Variants in ADAM23 observed in about 807,000 individuals in gnomAD.
ADAM23 encodes the protein ADAM metallopeptidase domain 23.
In ADAM23, 33 loss-of-function variants were observed where a neutral mutation model predicts 120.1. The observed-to-expected ratio is 0.27, with a 90% CI of 0.21 to 0.37. The LOEUF is 0.37. Among genes scored for constraint, ADAM23 ranks in the 10% least tolerant of loss-of-function variants. The pLI is 1.00. For missense variants in ADAM23, 862 were observed against 1,058.2 expected, an observed-to-expected ratio of 0.81 and a Z score of 2.57; for synonymous variants, 367 against 375.2, an observed-to-expected ratio of 0.98 and a Z score of 0.25.
At chr2:206,565,393 A>G (rs1697857392) in intron 14 of ADAM23, among the ~76,000 whole-genome samples, 1 of 152,248 alleles carries the variant, frequency 6.6e-6, no homozygotes, top group Non-Finnish European at 1.5e-5. Flanking sequence ...TACCTGAAGC[A>G]GTCAGTGAAA....
chr2:206,596,296 T>A (rs1698524211), intron 24 of ADAM23, 134 bp downstream of exon 24: 1 of 614,118 alleles, frequency 1.6e-6, no homozygotes. Flanking sequence ...AGTATATAAT[T>A]TATGTTACTG....
chr2:206,455,458 G>T (rs1407977456), intron 2 of ADAM23, among the ~76,000 whole-genome samples: 1 of 152,152 alleles, frequency 6.6e-6, no homozygotes, highest in Non-Finnish European at 1.5e-5. Flanking sequence ...TGCCTTGGAG[G>T]CATTTTCATT....
At position 206,550,077 on chromosome 2, in the gene ADAM23, T is replaced by C; in HGVS notation, c.868-18T>C. The C allele has an allele frequency of 2.0e-6, 3 of 1,490,528 alleles. No homozygotes were observed. Among genetic ancestry groups the C allele is most frequent in the Non-Finnish European group, 1.9e-6 (2 of 1,074,540 alleles). 92.3% of individuals were successfully genotyped at this position (1,490,528 alleles called of 1,614,324 possible). On this transcript the variant is annotated intron_variant, in intron 8 of 25. Transcript: ENST00000264377. The stretch of plus-strand genomic sequence containing the variant: ...TATGTCAATCACTATTCTGACCATA[T>C]ATTTTTATTTTCCGTAGCCATCACG...
chr2:206,526,161 C>G (rs929055632), intron 3 of ADAM23, among the ~76,000 whole-genome samples: 7 of 151,028 alleles, frequency 4.6e-5, no homozygotes, highest in African/African-American at 1.5e-4. Flanking sequence ...CACACACACA[C>G]ACACACACAC....
At chr2:206,612,031 A>G (rs569432100) in intron 25 of ADAM23, among the ~76,000 whole-genome samples, 12 of 152,336 alleles carry the variant, frequency 7.9e-5, no homozygotes, top group Non-Finnish European at 1.6e-4. Context: ...CTGTGTAGAA[A>G]GACACACAAT....
intron 24 of ADAM23, among the ~76,000 whole-genome samples, chr2:206,601,530 T>A (rs1192214434): frequency 6.6e-6 from 1 of 152,112 alleles, no homozygotes; most frequent in South Asian, 2.1e-4. Context: ...CCCAACACTT[T>A]AGGAAGCTGA....
chr2:206,454,224 A>G (rs1253767128), intron 2 of ADAM23, among the ~76,000 whole-genome samples: 1 of 152,154 alleles, frequency 6.6e-6, no homozygotes, highest in African/African-American at 2.4e-5. Flanking sequence ...GTCTCAGGAA[A>G]CTTAAAGTCT....
At chr2:206,538,675 A>G (rs1697230708) in intron 4 of ADAM23, among the ~76,000 whole-genome samples, 1 of 152,214 alleles carries the variant, frequency 6.6e-6, no homozygotes, top group Non-Finnish European at 1.5e-5. Context: ...TTAGACACAA[A>G]GTTGGGGTGC....
At chr2:206,520,715 T>C (rs146749213) in intron 3 of ADAM23, among the ~76,000 whole-genome samples, 1 of 152,202 alleles carries the variant, frequency 6.6e-6, no homozygotes, top group East Asian at 1.9e-4. Flanking sequence ...AAAAGAATCT[T>C]ATCTGTGTTC....
Position 206,508,870 on chromosome 2 carries a change from G to A in ADAM23, c.510-22015G>A, listed in dbSNP as rs551171633. 4.6e-5 allele frequency among the ~76,000 whole-genome samples: 7 copies of A among 152,112 alleles called. No individual in the cohort carries two copies. In the East Asian group the frequency reaches 7.7e-4, roughly 17 times the overall value. On this transcript the variant is annotated intron_variant, in intron 3 of 25. Coordinates refer to ENST00000264377, the MANE Select transcript of ADAM23 (RefSeq NM_003812.4). ...CAACAACATAAGACTTGTAACAAAC[G>A]CACCTTATAACTCTATGAATAATTT...
At chr2:206,550,313 C>CT (rs1291927001) in intron 9 of ADAM23, among the ~76,000 whole-genome samples, 153 bp downstream of exon 9, 2 of 152,060 alleles carry the variant, frequency 1.3e-5, no homozygotes, top group African/African-American at 4.8e-5. Flanking sequence ...TTTGGAGACT[C>CT]TGAGTTTTAT....
chr2:206,554,449 G>A (rs1335078244), intron 9 of ADAM23, among the ~76,000 whole-genome samples: 3 of 152,118 alleles, frequency 2.0e-5, no homozygotes, highest in East Asian at 1.9e-4. Flanking sequence ...TTTTGCGTAC[G>A]TGTTTTGCTA....
At chr2:206,452,029 T>C (rs564758958) in intron 2 of ADAM23, among the ~76,000 whole-genome samples, 5 of 152,164 alleles carry the variant, frequency 3.3e-5, no homozygotes, top group African/African-American at 1.2e-4. Flanking sequence ...TAGAGAGTGG[T>C]GGGTGTGATG....
At position 206,589,394 on chromosome 2, in the gene ADAM23, G is replaced by GC; in HGVS notation, c.1853-13dup. 6.2e-7 allele frequency: 1 copy of GC among 1,608,112 alleles called. No individual in the cohort carries two copies. The highest frequency in any genetic ancestry group is 1.1e-5 in the South Asian group (1 of 90,118). The stretch of plus-strand genomic sequence containing the variant: ...AAATGAAAATTAATTTTCTTCTCTT[G>GC]CCTATCTCCAAAAGAGGCTGCAGGG... On this transcript the variant is annotated splice_polypyrimidine_tract_variant and intron_variant, in intron 20 of 25. Coordinates refer to ENST00000264377, the MANE Select transcript of ADAM23 (RefSeq NM_003812.4).
At chr2:206,489,883 A>T (rs549190824) in intron 3 of ADAM23, among the ~76,000 whole-genome samples, 19 of 152,312 alleles carry the variant, frequency 1.2e-4, no homozygotes, top group African/African-American at 4.6e-4. Flanking sequence ...ATTTGTAACT[A>T]TATGAGGAAA....
intron 9 of ADAM23, among the ~76,000 whole-genome samples, chr2:206,550,949 C>A (rs1697513027): frequency 6.6e-6 from 1 of 152,234 alleles, no homozygotes; most frequent in Non-Finnish European, 1.5e-5. Context: ...GTGTTAACTT[C>A]TGTGGCAGTA....
Position 206,549,994 on chromosome 2 carries a change from A to G in ADAM23, c.868-101A>G, listed in dbSNP as rs1697479693. 3.7e-5 allele frequency: 23 copies of G among 620,748 alleles called. No homozygotes were observed. The South Asian group carries it at 7.0e-4, about 19-fold the overall frequency. 38.5% of individuals were successfully genotyped at this position (620,748 alleles called of 1,614,324 possible). ...GGTGTTTATAAAGTAGGCAGCAGAG[A>G]GTTGTTCTGAAATTCAAAGTCTTAT... On this transcript the variant is annotated intron_variant, in intron 8 of 25. Transcript: ENST00000264377.
intron 4 of ADAM23, among the ~76,000 whole-genome samples, chr2:206,535,686 A>G (rs1257369050): frequency 6.6e-6 from 1 of 152,248 alleles, no homozygotes; most frequent in African/African-American, 2.4e-5. Flanking sequence ...ACATTATGCT[A>G]AGTAAAATAA....
At chr2:206,598,211 A>AT (rs907344385) in intron 24 of ADAM23, among the ~76,000 whole-genome samples, 88 of 150,704 alleles carry the variant, frequency 5.8e-4, no homozygotes, top group Middle Eastern at 3.5e-3. Flanking sequence ...TGTTTCTGTG[A>AT]TTTTTTTTTT....
Sources: allele counts gnomAD v4.1 joint callset (sites outside exome capture counted in the v4.1 genomes callset), GRCh38; gene constraint gnomAD v4.1.1; transcripts MANE v1.5; gene names NCBI Gene and HGNC (gene_info 2026-07-23, HGNC 2026-07-21).